The following PADI4 variants were observed in gnomAD, a reference collection of about 807,000 sequenced individuals.
PADI4 encodes the protein protein-arginine deiminase type-4.
A neutral mutation model predicts 75.0 loss-of-function variants in PADI4; 62 were observed. The observed-to-expected ratio is 0.83, with a 90% CI of 0.67 to 1.02. The LOEUF (loss-of-function observed/expected upper bound fraction) is 1.02. Among genes scored for constraint, PADI4 ranks in the 50% least tolerant of loss-of-function variants. The pLI is 0.00. For synonymous variants in PADI4, 361 were observed against 348.1 expected, an observed-to-expected ratio of 1.04 and a Z score of -0.41; for missense variants, 845 against 850.5, an observed-to-expected ratio of 0.99 and a Z score of 0.08.
intron 1 of PADI4, among the ~76,000 whole-genome samples, chr1:17,311,650 C>T (rs6586520): frequency 0.53 from 80,032 of 151,700 alleles, 21,371 homozygotes; most frequent in African/African-American, 0.58. Context: ...TCAGCCTCCC[C>T]AGTAGCTGGG....
At chr1:17,348,143 G>A (rs1448273599) in intron 10 of PADI4, 95 bp downstream of exon 10, 2 of 754,642 alleles carry the variant, frequency 2.7e-6, no homozygotes, top group Non-Finnish European at 4.6e-6. Context: ...CGCGCCTGTA[G>A]CTGAGTAGCC....
intron 1 of PADI4, among the ~76,000 whole-genome samples, chr1:17,322,572 G>A (rs2074049765): frequency 6.6e-6 from 1 of 152,092 alleles, no homozygotes; most frequent in Non-Finnish European, 1.5e-5. Flanking sequence ...GATCTTTGGG[G>A]CCCACAGGGA....
chr1:17,352,129 GATGGGAGGCA>G (rs1220489319), intron 10 of PADI4, among the ~76,000 whole-genome samples: 11 of 149,842 alleles, frequency 7.3e-5, no homozygotes, highest in African/African-American at 2.5e-4. Context: ...TCAGAGAGGT[GATGGGAGGCA>G]GTAGGAGAGG....
At chr1:17,331,209 A>G (rs1051944174) in intron 2 of PADI4, 60 bp downstream of exon 2, 10 of 1,420,136 alleles carry the variant, frequency 7.0e-6, no homozygotes, top group Non-Finnish European at 9.8e-6. Context: ...AGCCACACAC[A>G]CTCTGTCCTG....
chr1:17,354,121 G>A (rs977874713), intron 10 of PADI4, among the ~76,000 whole-genome samples: 4 of 151,864 alleles, frequency 2.6e-5, no homozygotes, highest in African/African-American at 7.3e-5. Flanking sequence ...GTGGTGGGGC[G>A]TGCCTGTAGT....
intron 1 of PADI4, among the ~76,000 whole-genome samples, chr1:17,321,341 C>T (rs935498493): frequency 2.0e-5 from 3 of 152,272 alleles, no homozygotes; most frequent in Non-Finnish European, 4.4e-5. Flanking sequence ...CCACTGGGGG[C>T]CAGGCCAGGG....
At chr1:17,330,221 G>A (rs760527445) in intron 1 of PADI4, among the ~76,000 whole-genome samples, 4 of 152,144 alleles carry the variant, frequency 2.6e-5, no homozygotes, top group African/African-American at 7.2e-5. Flanking sequence ...CAGGGGATTC[G>A]CTTTCTGTCA....
At chr1:17,332,636 C>A (rs780384760) in intron 2 of PADI4, among the ~76,000 whole-genome samples, 2 of 152,100 alleles carry the variant, frequency 1.3e-5, no homozygotes, top group Non-Finnish European at 2.9e-5. Context: ...ATGGATGTAT[C>A]TTTTTGGGGA....
intron 13 of PADI4, among the ~76,000 whole-genome samples, chr1:17,357,946 A>C (rs1382422813): frequency 6.8e-6 from 1 of 146,940 alleles, no homozygotes; most frequent in Non-Finnish European, 1.5e-5. Flanking sequence ...AAAAAAAAAA[A>C]ACAAGAAAAT....
chr1:17,340,643 G>T (rs1267162222), intron 6 of PADI4, among the ~76,000 whole-genome samples: 1 of 151,928 alleles, frequency 6.6e-6, no homozygotes, highest in African/African-American at 2.4e-5. Flanking sequence ...GAAGAGACAG[G>T]GCAGAGGGGA....
chr1:17,316,015 C>A (rs1410298879), intron 1 of PADI4, among the ~76,000 whole-genome samples: 3 of 151,918 alleles, frequency 2.0e-5, no homozygotes, highest in Non-Finnish European at 4.4e-5. Flanking sequence ...ACCCAGATGG[C>A]CCGGCAAAAA....
At chr1:17,353,477 C>T (rs1440225274) in intron 10 of PADI4, among the ~76,000 whole-genome samples, 1 of 152,122 alleles carries the variant, frequency 6.6e-6, no homozygotes, top group Non-Finnish European at 1.5e-5. Context: ...GAAACTCACA[C>T]CTGGGCACAT....
rs1030088246 is a variant in PADI4 at position 17,348,299 on chromosome 1, G to A, written c.1155+251G>A. 22 of 365,236 alleles carry A rather than the reference G, an allele frequency of 6.0e-5. No individual in the cohort carries two copies. In the East Asian group the frequency reaches 7.7e-4, roughly 13 times the overall value. The allele number at this position is 365,236 out of a possible 1,614,324, so 22.6% of individuals were successfully genotyped here. On this transcript the variant is annotated intron_variant, in intron 10 of 15. Coordinates refer to ENST00000375448, the MANE Select transcript of PADI4 (RefSeq NM_012387.3). Reference sequence around the variant, plus strand: ...AGCTTGATCTCCAGGTAACCCTGCCGAGGAGGTGGCTCAGGCTTGGACCTC... The same window carrying A: ...AGCTTGATCTCCAGGTAACCCTGCCAAGGAGGTGGCTCAGGCTTGGACCTC...
chr1:17,308,451 A>T, intron 1 of PADI4, 137 bp downstream of exon 1: 1 of 682,624 alleles, frequency 1.5e-6, no homozygotes, highest in Non-Finnish European at 2.5e-6. Context: ...GAGTAGCTGG[A>T]GAGAGAAGAC....
intron 3 of PADI4, chr1:17,334,300 T>C: frequency 2.4e-6 from 1 of 408,312 alleles, no homozygotes; most frequent in Non-Finnish European, 4.7e-6. Flanking sequence ...TATATGCATC[T>C]CCATTAATTT....
In PADI4 at chr1:17,356,467, G is replaced by A. The variant is rs561033614; in HGVS notation, c.1558+8G>A. On this transcript the variant is annotated splice_region_variant and intron_variant, in intron 13 of 15. Coordinates refer to ENST00000375448, the MANE Select transcript of PADI4 (RefSeq NM_012387.3). This position sits in a 1 kb window ranked among gnomAD's most constrained non-coding sequence, Gnocchi z 4.1. ...TGTTCGAAGGGATCAAGAGTAAGTCGGCCCTGCCTTGTTCTCCTGTCTGTG... is the reference window on the plus strand; with the variant it reads ...TGTTCGAAGGGATCAAGAGTAAGTCAGCCCTGCCTTGTTCTCCTGTCTGTG... 23 of 1,546,106 alleles carry A rather than the reference G, an allele frequency of 1.5e-5. No individual in the cohort carries two copies. In the East Asian group the frequency reaches 2.7e-4, roughly 18 times the overall value.
At chr1:17,349,885 TC>T (rs1226764066) in intron 10 of PADI4, among the ~76,000 whole-genome samples, 1 of 124,984 alleles carries the variant, frequency 8.0e-6, no homozygotes, top group Non-Finnish European at 1.8e-5. Flanking sequence ...CTGGCCTCCT[TC>T]CTGTTCTTCA....
At chr1:17,324,577 C>T (rs1453679460) in intron 1 of PADI4, among the ~76,000 whole-genome samples, 2 of 152,140 alleles carry the variant, frequency 1.3e-5, no homozygotes, top group Non-Finnish European at 2.9e-5. Context: ...AGTGATCTTC[C>T]CACCTTGGCC....
chr1:17,353,384 C>G (rs2100236213), intron 10 of PADI4, among the ~76,000 whole-genome samples: 1 of 152,152 alleles, frequency 6.6e-6, no homozygotes, highest in South Asian at 2.1e-4. Context: ...GGACCGTGAT[C>G]CTTTGAGCCC....
Sources: gnomAD v4.1 joint callset for allele counts (sites outside exome capture counted in the v4.1 genomes callset) on GRCh38, gnomAD v4.1.1 for gene constraint, Gnocchi (gnomAD v3.1) non-coding constraint, MANE v1.5 for transcripts, NCBI Gene and HGNC (gene_info 2026-07-23, HGNC 2026-07-21) for gene names.